Variants in CHST9 observed in about 807,000 individuals in gnomAD.
The protein encoded by CHST9 is GalNAc-4-sulfotransferase 2.
CHST9 carries 41 observed loss-of-function variants against 44.4 expected under a neutral mutation model. That is an observed-to-expected ratio of 0.92 (90% CI 0.72 to 1.20). CHST9 has a LOEUF of 1.20. Among genes scored for constraint, CHST9 ranks in the 50% most tolerant of loss-of-function variants. The pLI is 0.00. For missense variants in CHST9, 504 were observed against 516.5 expected (o/e 0.98, Z 0.23); for synonymous variants, 171 against 178.4 (o/e 0.96, Z 0.33).
intron 2 of CHST9, among the ~76,000 whole-genome samples, chr18:27,114,822 C>T (rs148915411): frequency 1.3e-4 from 20 of 152,326 alleles, no homozygotes; most frequent in South Asian, 6.2e-4. Context: ...TAGAATACCA[C>T]ATTCCACATT....
At chr18:27,053,230 A>AAGAACAAGAAGAGGAGGAAGAG (rs2057600445) in intron 2 of CHST9, among the ~76,000 whole-genome samples, 1 of 64,520 alleles carries the variant, frequency 1.5e-5, no homozygotes, top group African/African-American at 5.5e-5. Context: ...AAGAAGAAGA[A>AAGAACAAGAAGAGGAGGAAGAG]GAAGAAGAAG....
intron 3 of CHST9, among the ~76,000 whole-genome samples, chr18:27,027,960 C>A (rs897051652): frequency 2.6e-5 from 4 of 152,128 alleles, no homozygotes; most frequent in African/African-American, 7.2e-5. Context: ...AATGCAGTGG[C>A]GCGATCTCGG....
chr18:26,920,780 C>A (rs181283710), intron 5 of CHST9, among the ~76,000 whole-genome samples: 1 of 152,144 alleles, frequency 6.6e-6, no homozygotes, highest in Non-Finnish European at 1.5e-5. Flanking sequence ...TTAAATAAAC[C>A]TTTGGCAAAA....
intron 5 of CHST9, among the ~76,000 whole-genome samples, chr18:26,924,140 G>A (rs2055717980): frequency 6.6e-6 from 1 of 152,168 alleles, no homozygotes; most frequent in African/African-American, 2.4e-5. Context: ...GTGCCTGGGG[G>A]CAGAGGGATC....
At chr18:26,940,896 G>A (rs2056073033) in intron 5 of CHST9, among the ~76,000 whole-genome samples, 1 of 152,210 alleles carries the variant, frequency 6.6e-6, no homozygotes, top group Non-Finnish European at 1.5e-5. Context: ...AAGAAGGGGA[G>A]GGACACAAAG....
In CHST9 at chr18:26,908,484, T is replaced by G. The variant is rs538498096; in HGVS notation, c.*7775A>C. On this transcript the variant is annotated 3_prime_UTR_variant, in exon 6 of 6. Transcript: ENST00000618847. Reference sequence around the variant, plus strand: ...TCATTAAAAGGATACCAAAAAATGATAAGGTGATAAAATTTTATGTTATGT... The same window carrying G: ...TCATTAAAAGGATACCAAAAAATGAGAAGGTGATAAAATTTTATGTTATGT... The G allele has an allele frequency of 3.8e-4, 58 of 151,338 alleles. No individual in the cohort carries two copies. Among genetic ancestry groups the G allele is most frequent in the African/African-American group, 1.4e-3 (57 of 41,292 alleles). 9.4% of individuals were successfully genotyped at this position (151,338 alleles called of 1,614,324 possible).
At chr18:27,053,231 G>C (rs1003869848) in intron 2 of CHST9, among the ~76,000 whole-genome samples, 2 of 65,396 alleles carry the variant, frequency 3.1e-5, no homozygotes, top group South Asian at 6.3e-4. Flanking sequence ...AGAAGAAGAA[G>C]AAGAAGAAGA....
chr18:27,074,626 C>T (rs1249580794), intron 2 of CHST9, among the ~76,000 whole-genome samples: 1 of 152,096 alleles, frequency 6.6e-6, no homozygotes, highest in Non-Finnish European at 1.5e-5. Context: ...GACATAAAGC[C>T]ATCAGCCTGT....
intron 1 of CHST9, among the ~76,000 whole-genome samples, chr18:27,163,615 G>C (rs1482030650): frequency 6.6e-6 from 1 of 152,222 alleles, no homozygotes; most frequent in African/African-American, 2.4e-5. Context: ...CTCCAAGCCA[G>C]GTGCAGGATA....
intron 2 of CHST9, among the ~76,000 whole-genome samples, chr18:27,108,449 TC>T (rs1384291499): frequency 6.6e-6 from 1 of 152,222 alleles, no homozygotes; most frequent in Admixed American, 6.5e-5. Context: ...AAATTATTTT[TC>T]ACTTTGATAG....
intron 5 of CHST9, among the ~76,000 whole-genome samples, chr18:26,929,247 C>A (rs2055832488): frequency 6.6e-6 from 1 of 152,160 alleles, no homozygotes; most frequent in South Asian, 2.1e-4. Context: ...AGAAGGCAAT[C>A]CTAACTTTGG....
At chr18:27,062,760 A>T (rs1302752982) in intron 2 of CHST9, among the ~76,000 whole-genome samples, 1 of 152,172 alleles carries the variant, frequency 6.6e-6, no homozygotes, top group African/African-American at 2.4e-5. Flanking sequence ...TGGTTGAACT[A>T]GTTTACAGTC....
chr18:27,035,982 T>C (rs2057386529), intron 3 of CHST9, among the ~76,000 whole-genome samples: 1 of 152,136 alleles, frequency 6.6e-6, no homozygotes, highest in Non-Finnish European at 1.5e-5. Context: ...AACATCAAAT[T>C]GTACACCTTA....
chr18:27,052,276 AT>A (rs2057576611), intron 2 of CHST9, among the ~76,000 whole-genome samples: 1 of 149,092 alleles, frequency 6.7e-6, no homozygotes. Flanking sequence ...GTGTATATAT[AT>A]GTATATATAT....
chr18:27,058,581 C>A (rs922021337), intron 2 of CHST9, among the ~76,000 whole-genome samples: 35 of 152,102 alleles, frequency 2.3e-4, no homozygotes, highest in African/African-American at 7.5e-4. Flanking sequence ...ATCAGACAAC[C>A]CTAAGACCAC....
At chr18:27,024,796 C>G (rs1190327209) in intron 3 of CHST9, among the ~76,000 whole-genome samples, 1 of 152,108 alleles carries the variant, frequency 6.6e-6, no homozygotes, top group African/African-American at 2.4e-5. Context: ...CTGTAGTAAA[C>G]AGCTATAAGA....
At chr18:26,982,510 C>T (rs2056704246) in intron 4 of CHST9, among the ~76,000 whole-genome samples, 1 of 152,088 alleles carries the variant, frequency 6.6e-6, no homozygotes, top group South Asian at 2.1e-4. Flanking sequence ...GTTCATTCAG[C>T]CATTCACTTA....
intron 3 of CHST9, among the ~76,000 whole-genome samples, chr18:27,025,193 A>G (rs923078035): frequency 6.7e-6 from 1 of 148,386 alleles, no homozygotes; most frequent in Non-Finnish European, 1.5e-5. Context: ...TTATATATTA[A>G]TATATATTCT....
intron 4 of CHST9, among the ~76,000 whole-genome samples, chr18:26,957,249 C>T (rs911968340): frequency 6.6e-6 from 1 of 152,168 alleles, no homozygotes; most frequent in Admixed American, 6.6e-5. Context: ...AAGTGAATTA[C>T]GGAGCTCAGA....
Sources: gnomAD v4.1 joint callset for allele counts (sites outside exome capture counted in the v4.1 genomes callset) on GRCh38, gnomAD v4.1.1 for gene constraint, MANE v1.5 for transcripts, NCBI Gene and HGNC (gene_info 2026-07-23, HGNC 2026-07-21) for gene names.